The following KCNQ5 variants were observed in gnomAD, a reference collection of about 807,000 sequenced individuals.
KCNQ5 encodes the protein potassium voltage-gated channel subfamily KQT member 5.
Under a neutral mutation model 98.2 loss-of-function variants are expected in KCNQ5, and 30 were observed. The ratio of observed to expected loss-of-function variants is 0.31; its 90% CI spans 0.23 to 0.41. The LOEUF is 0.41. KCNQ5 is among the 10% of genes least tolerant of loss of function. KCNQ5 has a pLI of 1.00. For missense variants in KCNQ5, 835 were observed against 1,182.5 expected (o/e 0.71, Z 4.31); for synonymous variants, 458 against 449.4 (o/e 1.02, Z -0.24).
intron 7 of KCNQ5, among the ~76,000 whole-genome samples, chr6:73,117,467 A>T (rs1441565760): frequency 2.6e-5 from 4 of 152,248 alleles, no homozygotes; most frequent in African/African-American, 9.6e-5. Flanking sequence ...AAAAATAGCA[A>T]GACATCAGGT....
intron 2 of KCNQ5, among the ~76,000 whole-genome samples, chr6:73,036,212 A>C (rs965736090): frequency 2.6e-5 from 4 of 151,830 alleles, no homozygotes; most frequent in Non-Finnish European, 4.4e-5. Context: ...CGGTGAAACC[A>C]CGTCTCTACT....
chr6:73,121,174 C>T (rs1775731302), intron 8 of KCNQ5, among the ~76,000 whole-genome samples: 1 of 152,152 alleles, frequency 6.6e-6, no homozygotes, highest in South Asian at 2.1e-4. Context: ...TAAAGTAAGA[C>T]TACTTTTCTT....
chr6:72,663,253 A>C (rs182689040), intron 1 of KCNQ5, among the ~76,000 whole-genome samples: 1 of 152,332 alleles, frequency 6.6e-6, no homozygotes, highest in African/African-American at 2.4e-5. Context: ...CGTTCTGCAC[A>C]TGTATCCCAG....
chr6:72,685,833 C>G (rs973343949), intron 1 of KCNQ5, among the ~76,000 whole-genome samples: 2 of 152,160 alleles, frequency 1.3e-5, no homozygotes, highest in Admixed American at 1.3e-4. Context: ...TTGGGCTCCT[C>G]TAAGAAAATA....
chr6:73,095,745 A>G (rs1030993697), intron 5 of KCNQ5, among the ~76,000 whole-genome samples: 9 of 151,968 alleles, frequency 5.9e-5, no homozygotes, highest in Non-Finnish European at 1.3e-4. Flanking sequence ...GGCACTGGGG[A>G]TTGTCTACAG....
At chr6:72,649,053 G>T (rs936092622) in intron 1 of KCNQ5, among the ~76,000 whole-genome samples, 1 of 152,114 alleles carries the variant, frequency 6.6e-6, no homozygotes, top group Admixed American at 6.6e-5. Context: ...CACTTCATGT[G>T]ACCAAACAAA....
chr6:72,849,839 C>T lies in KCNQ5; in HGVS notation c.399-154069C>T, dbSNP rs372922707. Among the ~76,000 whole-genome samples the T allele has an allele frequency of 2.3e-4, 35 of 152,228 alleles. No homozygotes were observed. The East Asian group carries it at 5.2e-3, about 23-fold the overall frequency. ...CTCTACTCATGAATCTTTTCTCTCT[C>T]TACTCAGTGGTGGATTTATTTCTAG... On this transcript the variant is annotated intron_variant, in intron 1 of 13. Coordinates refer to ENST00000370398, the MANE Select transcript of KCNQ5 (RefSeq NM_019842.4).
chr6:72,985,824 A>C (rs1371879352), intron 1 of KCNQ5, among the ~76,000 whole-genome samples: 1 of 152,232 alleles, frequency 6.6e-6, no homozygotes, highest in Non-Finnish European at 1.5e-5. Context: ...TACCCAAAGG[A>C]AAATAGATCA....
chr6:73,138,356 A>G (rs1430262282), intron 10 of KCNQ5, among the ~76,000 whole-genome samples: 1 of 152,190 alleles, frequency 6.6e-6, no homozygotes, highest in Non-Finnish European at 1.5e-5. Flanking sequence ...ATTTCTGGTG[A>G]CTAGTTTGCT....
intron 1 of KCNQ5, among the ~76,000 whole-genome samples, chr6:72,812,423 T>A (rs567405722): frequency 6.6e-6 from 1 of 152,228 alleles, no homozygotes; most frequent in Non-Finnish European, 1.5e-5. Context: ...GTTTATTGAA[T>A]GAAATCATAT....
intron 1 of KCNQ5, among the ~76,000 whole-genome samples, chr6:72,966,034 C>T (rs573977315): frequency 6.6e-6 from 1 of 152,214 alleles, no homozygotes; most frequent in East Asian, 1.9e-4. Flanking sequence ...TGCCTCCAGT[C>T]GAGTTAGAGC....
intron 1 of KCNQ5, among the ~76,000 whole-genome samples, chr6:72,733,432 A>G (rs1418378170): frequency 1.3e-5 from 2 of 152,250 alleles, no homozygotes; most frequent in East Asian, 3.8e-4. Flanking sequence ...AAAGATAAGG[A>G]TGAGGAGTGC....
intron 7 of KCNQ5, among the ~76,000 whole-genome samples, chr6:73,112,368 C>T (rs1775278657): frequency 6.7e-6 from 1 of 149,688 alleles, no homozygotes; most frequent in Non-Finnish European, 1.5e-5. Context: ...TTTTTTGAGA[C>T]AGAGTCCCGC....
intron 1 of KCNQ5, among the ~76,000 whole-genome samples, chr6:72,778,167 A>G (rs984664083): frequency 6.6e-6 from 1 of 152,230 alleles, no homozygotes; most frequent in African/African-American, 2.4e-5. Context: ...ACAGCTCTCT[A>G]GTAGAAAATT....
At chr6:72,708,820 A>G (rs1769219446) in intron 1 of KCNQ5, among the ~76,000 whole-genome samples, 1 of 147,496 alleles carries the variant, frequency 6.8e-6, no homozygotes, top group Admixed American at 6.6e-5. Flanking sequence ...CCAGCCCACA[A>G]ATACTTTTTT....
intron 3 of KCNQ5, among the ~76,000 whole-genome samples, chr6:73,048,341 T>C (rs549055930): frequency 6.6e-6 from 1 of 152,266 alleles, no homozygotes; most frequent in East Asian, 1.9e-4. Context: ...TAACACTTGA[T>C]GAGCTTGGGT....
chr6:72,759,517 A>T (rs889875922), intron 1 of KCNQ5, among the ~76,000 whole-genome samples: 1 of 152,162 alleles, frequency 6.6e-6, no homozygotes, highest in East Asian at 1.9e-4. Flanking sequence ...TGGAATAATT[A>T]TATCTGGCAG....
chr6:72,757,738 A>G (rs1329923766), intron 1 of KCNQ5, among the ~76,000 whole-genome samples: 1 of 152,188 alleles, frequency 6.6e-6, no homozygotes, highest in Admixed American at 6.5e-5. Context: ...TCCTTCATAT[A>G]CAAGATTTTA....
chr6:72,783,589 C>A (rs1011126546), intron 1 of KCNQ5, among the ~76,000 whole-genome samples: 4 of 151,972 alleles, frequency 2.6e-5, no homozygotes, highest in African/African-American at 9.7e-5. Flanking sequence ...CTTATTTCAC[C>A]CAAAATATCC....
Sources: allele counts gnomAD v4.1 joint callset (sites outside exome capture counted in the v4.1 genomes callset), GRCh38; gene constraint gnomAD v4.1.1; transcripts MANE v1.5; gene names NCBI Gene and HGNC (gene_info 2026-07-23, HGNC 2026-07-21).